Variants in DGLUCY observed in about 807,000 individuals in gnomAD.
The protein encoded by DGLUCY is D-glutamate cyclase, mitochondrial.
In DGLUCY, 58 loss-of-function variants were observed where a neutral mutation model predicts 58.5. The observed-to-expected ratio is 0.99, with a 90% confidence interval of 0.80 to 1.23. DGLUCY has a LOEUF of 1.23. Among genes scored for constraint, DGLUCY ranks in the 50% most tolerant of loss-of-function variants. DGLUCY has a pLI of 0.00. For missense variants in DGLUCY, 779 were observed against 784.7 expected, an observed-to-expected ratio of 0.99 and a Z score of 0.09; for synonymous variants, 325 against 314.1, an observed-to-expected ratio of 1.03 and a Z score of -0.37.
chr14:91,117,281 C>T (rs2045026310), intron 1 of DGLUCY, among the ~76,000 whole-genome samples: 1 of 152,132 alleles, frequency 6.6e-6, no homozygotes. Context: ...GTTTCTTTAC[C>T]ACAAAGTGTT....
At chr14:91,060,829 G>C (rs1411930904) in intron 1 of DGLUCY, 1 of 160,570 alleles carries the variant, frequency 6.2e-6, no homozygotes. Flanking sequence ...TCCTCGAATT[G>C]TTGTTGCTTG....
In DGLUCY at chr14:91,148,037, A is replaced by G. The variant is rs192350322; in HGVS notation, c.-81-9602A>G. 2.3e-3 allele frequency among the ~76,000 whole-genome samples: 349 copies of G among 152,122 alleles called. 2 individuals carry two copies. The highest frequency in any genetic ancestry group is 8.1e-3 in the African/African-American group (338 of 41,546). On this transcript the variant is annotated intron_variant, in intron 1 of 13. Transcript: ENST00000256324. ...AAAAATACAAAAATTAGCCAGGTGCAGTGGCACGCACCTGTAATCCCAGCT... is the reference window on the plus strand; with the variant it reads ...AAAAATACAAAAATTAGCCAGGTGCGGTGGCACGCACCTGTAATCCCAGCT...
intron 1 of DGLUCY, among the ~76,000 whole-genome samples, chr14:91,144,329 G>A (rs2046900145): frequency 6.6e-6 from 1 of 152,182 alleles, no homozygotes; most frequent in Admixed American, 6.5e-5. Flanking sequence ...GGAGGCTGAG[G>A]CAGGTGGATC....
At chr14:91,191,667 A>G (rs937309527) in intron 9 of DGLUCY, among the ~76,000 whole-genome samples, 8 of 152,208 alleles carry the variant, frequency 5.3e-5, no homozygotes, top group Non-Finnish European at 1.2e-4. Flanking sequence ...AAACCCAAAG[A>G]GACAAAAAGT....
chr14:91,175,968 C>T lies in DGLUCY; in HGVS notation c.642C>T (p.Ala214=), dbSNP rs532526240. Residue 214 remains alanine, a synonymous_variant, in exon 7 of 14, where the codon GCC becomes GCT. Coordinates refer to ENST00000256324, the MANE Select transcript of DGLUCY (RefSeq NM_001102368.3). The stretch of plus-strand genomic sequence containing the variant: ...GAATCAAAGAGCTTTCCAAACCTGC[C>T]TACGGGGATGCCATGGTGTGTCCCC... ...LLGIKELSKP[A]YGDAMVCPPG... is the part of the protein sequence containing the mutation. 22 of 1,614,050 alleles carry T rather than the reference C, an allele frequency of 1.4e-5. No homozygotes were observed. In the African/African-American group the frequency reaches 1.7e-4, roughly 13 times the overall value.
intron 1 of DGLUCY, among the ~76,000 whole-genome samples, chr14:91,098,064 G>A (rs1396839949): frequency 1.3e-5 from 2 of 152,186 alleles, no homozygotes; most frequent in Non-Finnish European, 1.5e-5. Flanking sequence ...TGCAGAGCTA[G>A]GAAATGCCCC....
chr14:91,170,114 CTG>C lies in DGLUCY; in HGVS notation c.370_371del (p.Cys124GlnfsTer68), dbSNP rs746991550. ...LKDMVAFFLG[C>X]SFSLEEALEK... ...AGGACATGGTGGCCTTCTTCCTGGGCTGCAGCTTCTCCCTGGAGGAGGCCTTG... is the reference window on the plus strand; with the variant it reads ...AGGACATGGTGGCCTTCTTCCTGGGCCAGCTTCTCCCTGGAGGAGGCCTTG... On this transcript the variant is annotated frameshift_variant, in exon 5 of 14. Coordinates refer to ENST00000256324, the MANE Select transcript of DGLUCY (RefSeq NM_001102368.3). LOFTEE classifies it high-confidence loss of function. The C allele has an allele frequency of 4.5e-5, 73 of 1,613,208 alleles. No homozygotes were observed. In the South Asian group the frequency reaches 7.6e-4, roughly 17 times the overall value.
chr14:91,079,976 C>T (rs2044096796), intron 1 of DGLUCY, among the ~76,000 whole-genome samples: 1 of 152,116 alleles, frequency 6.6e-6, no homozygotes, highest in East Asian at 1.9e-4. Context: ...TTCCCTTCCC[C>T]CAGGTAACCT....
At chr14:91,166,664 C>CAA (rs530045050) in intron 3 of DGLUCY, among the ~76,000 whole-genome samples, 4 of 138,520 alleles carry the variant, frequency 2.9e-5, no homozygotes, top group Non-Finnish European at 4.7e-5. Flanking sequence ...GACTCTGTCT[C>CAA]AAAAAAAAAA....
At chr14:91,186,211 C>T (rs2049508477) in intron 8 of DGLUCY, among the ~76,000 whole-genome samples, 2 of 152,080 alleles carry the variant, frequency 1.3e-5, no homozygotes, top group African/African-American at 4.8e-5. Context: ...AGGTTACATC[C>T]CAATTTTTTT....
intron 1 of DGLUCY, among the ~76,000 whole-genome samples, chr14:91,087,697 C>T (rs1430344462): frequency 6.6e-6 from 1 of 152,178 alleles, no homozygotes; most frequent in Non-Finnish European, 1.5e-5. Context: ...CGGACAGATA[C>T]AGAATGTGAG....
At chr14:91,080,298 G>A (rs4904744) in intron 1 of DGLUCY, among the ~76,000 whole-genome samples, 54,367 of 152,088 alleles carry the variant, frequency 0.36, 10,315 homozygotes, top group African/African-American at 0.49. Context: ...ATTCTTGTGG[G>A]TATACACCTA....
At chr14:91,116,568 C>T (rs1242137313) in intron 1 of DGLUCY, among the ~76,000 whole-genome samples, 1 of 152,150 alleles carries the variant, frequency 6.6e-6, no homozygotes, top group East Asian at 1.9e-4. Flanking sequence ...AAACCAGACC[C>T]CGAGAGTGTT....
intron 1 of DGLUCY, among the ~76,000 whole-genome samples, chr14:91,132,461 G>A (rs974992267): frequency 6.6e-6 from 1 of 151,182 alleles, no homozygotes; most frequent in African/African-American, 2.4e-5. Context: ...AGATACTTGG[G>A]AGACCCATAA....
chr14:91,141,603 G>A (rs1442388642), intron 1 of DGLUCY, among the ~76,000 whole-genome samples: 6 of 149,692 alleles, frequency 4.0e-5, no homozygotes, highest in Non-Finnish European at 8.9e-5. Context: ...CCAGGCTGGA[G>A]TGCAATGGCG....
intron 1 of DGLUCY, among the ~76,000 whole-genome samples, chr14:91,135,543 G>C (rs528954286): frequency 6.6e-6 from 1 of 151,666 alleles, no homozygotes; most frequent in South Asian, 2.1e-4. Context: ...CCAGCTACTC[G>C]GGAGGCTGAG....
intron 1 of DGLUCY, among the ~76,000 whole-genome samples, chr14:91,156,148 C>G (rs1051002589): frequency 2.7e-5 from 4 of 149,762 alleles, no homozygotes; most frequent in East Asian, 1.9e-4. Context: ...GAGTCTCGCT[C>G]TGTTGCCCAG....
chr14:91,060,806 C>T (rs960884814), intron 1 of DGLUCY: 4 of 172,988 alleles, frequency 2.3e-5, no homozygotes, highest in African/African-American at 9.5e-5. Flanking sequence ...TTTCACGAGC[C>T]TCCCCGCCTC....
At chr14:91,136,626 G>A (rs1477152004) in intron 1 of DGLUCY, among the ~76,000 whole-genome samples, 23 of 151,768 alleles carry the variant, frequency 1.5e-4, no homozygotes. Context: ...AGCGGTTGCA[G>A]TGAGCTGAGA....
Sources: allele counts gnomAD v4.1 joint callset (sites outside exome capture counted in the v4.1 genomes callset), GRCh38; gene constraint gnomAD v4.1.1; transcripts MANE v1.5; gene names NCBI Gene and HGNC (gene_info 2026-07-23, HGNC 2026-07-21).